The following RIC1 variants were observed in gnomAD, a reference collection of about 807,000 sequenced individuals.
The protein encoded by RIC1 is RIC1 partner of RAB6A GEF complex, also known as guanine nucleotide exchange factor subunit RIC1.
RIC1 carries 88 observed loss-of-function variants against 169.0 expected under a neutral mutation model. The ratio of observed to expected loss-of-function variants is 0.52; its 90% CI spans 0.44 to 0.62. RIC1 has a LOEUF of 0.62. Ranked by LOEUF, RIC1 falls within the 20% of genes least tolerant of loss-of-function variation. The probability of loss-of-function intolerance (pLI) is 0.00; values close to 1 mark genes in which losing one functional copy is unlikely to be tolerated. For synonymous variants in RIC1, 790 were observed against 601.5 expected (o/e 1.31, Z -4.59); for missense variants, 1,877 against 1,725.5 (o/e 1.09, Z -1.56).
intron 1 of RIC1, among the ~76,000 whole-genome samples, chr9:5,644,120 A>C (rs1335544291): frequency 1.3e-5 from 2 of 152,194 alleles, no homozygotes; most frequent in African/African-American, 4.8e-5. Context: ...CTAAGTGTAC[A>C]TTGATTTTTA....
At chr9:5,714,651 GA>G (rs1277459067) in intron 4 of RIC1, among the ~76,000 whole-genome samples, 6 of 151,986 alleles carry the variant, frequency 3.9e-5, no homozygotes, top group Non-Finnish European at 8.8e-5. Flanking sequence ...ATTCTTTATG[GA>G]AAAAAATCTT....
chr9:5,774,033 C>A lies in RIC1; in HGVS notation c.4059C>A (p.Val1353=). Reference sequence around the variant, plus strand: ...TCAGTGAGATAACAGAAGAGCAGGTCCAGCCAGATGCCTTCCAACCAATAA... The same window carrying A: ...TCAGTGAGATAACAGAAGAGCAGGTACAGCCAGATGCCTTCCAACCAATAA... The part of the protein sequence containing the change: ...QKLSEITEEQ[V]QPDAFQPITM... Residue 1353 remains valine (V), a synonymous_variant, in exon 26 of 26, where the codon GTC becomes GTA. Transcript: ENST00000414202. 1 of 1,613,976 alleles carries A rather than the reference C, an allele frequency of 6.2e-7. No individual in the cohort carries two copies. The highest frequency in any genetic ancestry group is 8.5e-7 in the Non-Finnish European group (1 of 1,179,950).
chr9:5,764,599 T>C (rs190470232), intron 19 of RIC1, among the ~76,000 whole-genome samples: 1 of 152,308 alleles, frequency 6.6e-6, no homozygotes, highest in East Asian at 1.9e-4. Flanking sequence ...CTGAAGCAGA[T>C]TTCCTGTCAG....
At chr9:5,693,730 A>G (rs888903654) in intron 3 of RIC1, among the ~76,000 whole-genome samples, 1 of 152,152 alleles carries the variant, frequency 6.6e-6, no homozygotes, top group Non-Finnish European at 1.5e-5. Flanking sequence ...AGTTTAGTAG[A>G]TTTCTAAATT....
At chr9:5,671,034 C>G (rs983538521) in intron 2 of RIC1, among the ~76,000 whole-genome samples, 3 of 152,146 alleles carry the variant, frequency 2.0e-5, no homozygotes, top group Admixed American at 1.3e-4. Flanking sequence ...AAAGGCCAAT[C>G]TTAGGTTCTA....
chr9:5,747,409 T>G lies in RIC1; in HGVS notation c.1356T>G (p.His452Gln). The G allele has an allele frequency of 6.2e-7, 1 of 1,614,088 alleles. No homozygotes were observed. The highest frequency in any genetic ancestry group is 8.5e-7 in the Non-Finnish European group (1 of 1,179,946). Reference sequence around the variant, plus strand: ...GGAGTTCTTCAACACACTCTGAGCATAAGCCCAGTCGAGAAAAGAGCCCAT... The same window carrying G: ...GGAGTTCTTCAACACACTCTGAGCAGAAGCCCAGTCGAGAAAAGAGCCCAT... Reference protein sequence around the residue: ...NPRSSSTHSEHKPSREKSPFA... With the variant: ...NPRSSSTHSEQKPSREKSPFA... Residue 452 changes from histidine (H) to glutamine (Q), a missense_variant, in exon 12 of 26, where the codon CAT becomes CAG. By Grantham distance (24) the His-to-Gln change is conservative. This residue lies in a region of RIC1 where 1,104 missense variants were observed against 992.0 expected (regional missense o/e 1.11). Coordinates refer to ENST00000414202, the MANE Select transcript of RIC1 (RefSeq NM_020829.4).
At chr9:5,717,895 C>T (rs2130850558) in intron 4 of RIC1, among the ~76,000 whole-genome samples, 2 of 148,714 alleles carry the variant, frequency 1.3e-5, no homozygotes, top group South Asian at 4.2e-4. Flanking sequence ...AATCCCAGCA[C>T]TTTGGAGGCC....
intron 1 of RIC1, among the ~76,000 whole-genome samples, chr9:5,655,452 C>G (rs1029885243): frequency 3.3e-5 from 5 of 152,044 alleles, no homozygotes; most frequent in African/African-American, 1.2e-4. Context: ...AGGCGCCTGC[C>G]ACCACACCGG....
At position 5,763,570 on chromosome 9, in the gene RIC1, C is replaced by G. The variant is rs1169108571; in HGVS notation, c.2543C>G (p.Ala848Gly). 1 of 1,614,038 alleles carries G rather than the reference C, an allele frequency of 6.2e-7. No individual in the cohort carries two copies. The highest frequency in any genetic ancestry group is 8.5e-7 in the Non-Finnish European group (1 of 1,180,024). ...RNLGEQALLL[A>G]QSCATLPYFP... ...CTTGGGGAGCAAGCCTTGCTCTTGG[C>G]CCAGTCCTGTGCCACATTACCTTAC... Residue 848 changes from alanine (A) to glycine (G), a missense_variant, in exon 19 of 26, where the codon GCC becomes GGC. Transcript: ENST00000414202. This position sits in a 1 kb window ranked among gnomAD's most constrained non-coding sequence, Gnocchi z 5.2.
At chr9:5,742,116 G>A (rs557700252) in intron 8 of RIC1, among the ~76,000 whole-genome samples, 1 of 152,236 alleles carries the variant, frequency 6.6e-6, no homozygotes, top group South Asian at 2.1e-4. Flanking sequence ...AGTGTTCCTT[G>A]CTAATTCTTT....
At chr9:5,739,676 T>C (rs1479508818) in intron 8 of RIC1, among the ~76,000 whole-genome samples, 1 of 152,114 alleles carries the variant, frequency 6.6e-6, no homozygotes, top group Non-Finnish European at 1.5e-5. Context: ...ACAGGGTTTA[T>C]AATCCTCAGA....
chr9:5,768,905 G>A lies in RIC1; in HGVS notation c.3138-65G>A, dbSNP rs188599376. On this transcript the variant is annotated intron_variant, in intron 21 of 25. Transcript: ENST00000414202. ...TTGTCAGCTTTATCAGTACCTCTGCGTAATAAGGATGTGAAATCCTCCAGT... is the reference window on the plus strand; with the variant it reads ...TTGTCAGCTTTATCAGTACCTCTGCATAATAAGGATGTGAAATCCTCCAGT... 1.1e-3 allele frequency: 1,678 copies of A among 1,505,474 alleles called. 25 individuals are homozygous for A. The Admixed American group carries it at 0.026, about 24-fold the overall frequency. The allele number at this position is 1,505,474 out of a possible 1,614,324, so 93.3% of individuals were successfully genotyped here. A position where few individuals can be genotyped will look rare whatever the true frequency, so the allele number is the denominator to read the frequency against.
At chr9:5,664,958 C>G (rs1038050710) in intron 2 of RIC1, among the ~76,000 whole-genome samples, 3 of 152,198 alleles carry the variant, frequency 2.0e-5, no homozygotes, top group Non-Finnish European at 4.4e-5. Flanking sequence ...TGAGCTCTAA[C>G]AGGTCGGTTA....
chr9:5,699,694 T>A (rs1434330528), intron 3 of RIC1, among the ~76,000 whole-genome samples: 1 of 152,150 alleles, frequency 6.6e-6, no homozygotes, highest in Non-Finnish European at 1.5e-5. Flanking sequence ...AATGTAATTG[T>A]TGGATTTTTC....
intron 3 of RIC1, among the ~76,000 whole-genome samples, chr9:5,695,117 G>C (rs986988310): frequency 1.3e-5 from 2 of 152,184 alleles, no homozygotes; most frequent in African/African-American, 4.8e-5. Context: ...ATAGTGGTCA[G>C]TGTCTTCACT....
At chr9:5,769,585 T>G (rs1190923278) in intron 22 of RIC1, 1 of 686,570 alleles carries the variant, frequency 1.5e-6, no homozygotes, top group African/African-American at 1.8e-5. Context: ...CAGATAGACA[T>G]GGACCTCAAA....
chr9:5,637,692 A>T (rs564546016), intron 1 of RIC1, among the ~76,000 whole-genome samples: 60 of 152,320 alleles, frequency 3.9e-4, no homozygotes, highest in African/African-American at 1.3e-3. Context: ...AGATCCCACA[A>T]ATAAGTGAGA....
chr9:5,774,170 G>C lies in RIC1; in HGVS notation c.4196G>C (p.Arg1399Pro). The change falls in exon 26 of 26, where the codon CGG becomes CCG. Residue 1399 changes from arginine (R) to proline (P), a missense_variant. This residue lies in a region of RIC1 where 681 missense variants were observed against 582.0 expected (regional missense o/e 1.17). Coordinates refer to ENST00000414202, the MANE Select transcript of RIC1 (RefSeq NM_020829.4). ...GTTGGAAGCAGCAATATGGTCAGCC[G>C]GAAAGAGGAGGACACAGCCCAAGCA... ...GEVGSSNMVS[R>P]KEEDTAQAEE... 6.2e-7 allele frequency: 1 copy of C among 1,614,018 alleles called. No homozygotes were observed. Among genetic ancestry groups the C allele is most frequent in the Non-Finnish European group, 8.5e-7 (1 of 1,179,980 alleles).
chr9:5,656,379 GTTTC>G (rs1002341944), intron 1 of RIC1, among the ~76,000 whole-genome samples, 200 bp from the exon 2 acceptor site: 2 of 152,030 alleles, frequency 1.3e-5, no homozygotes, highest in African/African-American at 4.8e-5. Context: ...TATTAATTCA[GTTTC>G]TTTAATAATA....
Sources: gnomAD v4.1 joint callset for allele counts (sites outside exome capture counted in the v4.1 genomes callset) on GRCh38, gnomAD v4.1.1 for gene constraint, gnomAD v4.1.1 regional missense constraint, Gnocchi (gnomAD v3.1) non-coding constraint, MANE v1.5 for transcripts, NCBI Gene and HGNC (gene_info 2026-07-23, HGNC 2026-07-21) for gene names.